The following NPC2 variants were observed in gnomAD, a reference collection of about 807,000 sequenced individuals.
NPC2 encodes the protein Niemann-Pick disease type C2 protein.
A neutral mutation model predicts 17.0 loss-of-function variants in NPC2; 14 were observed. That is an observed-to-expected ratio of 0.82 (90% CI 0.54 to 1.29). The LOEUF is 1.29. Among genes scored for constraint, NPC2 ranks in the 50% most tolerant of loss-of-function variants. The pLI is 0.00. For missense variants in NPC2, 167 were observed against 183.4 expected (o/e 0.91, Z 0.52); for synonymous variants, 75 against 69.3 (o/e 1.08, Z -0.41).
chr14:74,482,996 G>T (rs371035338), intron 3 of NPC2: 2 of 801,510 alleles, frequency 2.5e-6, no homozygotes. Context: ...GTGGTCCTTG[G>T]TTCAGGAGGT....
chr14:74,493,127 C>A lies in NPC2; in HGVS notation c.82+66G>T. 6.5e-7 allele frequency: 1 copy of A among 1,548,766 alleles called. No individual in the cohort carries two copies. The highest frequency in any genetic ancestry group is 8.7e-7 in the Non-Finnish European group (1 of 1,144,214). On this transcript the variant is annotated intron_variant, in intron 1 of 4. Coordinates refer to ENST00000555619, the MANE Select transcript of NPC2 (RefSeq NM_006432.5). This position sits in a 1 kb window ranked among gnomAD's most constrained non-coding sequence, Gnocchi z 4.1. Reference sequence around the variant, plus strand: ...CCGCCCAGCCCAGCCCCAGGGGTCTCAGCGCGGGGGTCCGGCGGGGCCTTC... The same window carrying A: ...CCGCCCAGCCCAGCCCCAGGGGTCTAAGCGCGGGGGTCCGGCGGGGCCTTC...
Position 74,493,266 on chromosome 14 carries a change from G to A in NPC2, c.9C>T (p.Phe3=), listed in dbSNP as rs1300524708. The change falls in exon 1 of 5, where the codon TTC becomes TTT. Residue 3 remains phenylalanine, a synonymous_variant. Transcript: ENST00000555619. The surrounding 1 kb of genome is among the most constrained non-coding windows in gnomAD (Gnocchi z 4.1). The part of the protein sequence containing the change: MR[F]LAATFLLLAL... ...CCAGGAGCAGGAATGTAGCTGCCAG[G>A]AAACGCATCGCGGATAACGAAGTTC... The A allele has an allele frequency of 6.2e-7, 1 of 1,613,232 alleles. No homozygotes were observed. Among genetic ancestry groups the A allele is most frequent in the Non-Finnish European group, 8.5e-7 (1 of 1,179,692 alleles).
intron 1 of NPC2, among the ~76,000 whole-genome samples, chr14:74,488,845 T>A (rs1010698455): frequency 5.9e-5 from 9 of 152,146 alleles, no homozygotes; most frequent in Non-Finnish European, 1.3e-4. Context: ...AAAAACCACC[T>A]ACCATCTCTG....
chr14:74,486,302 TTTGAG>T, intron 2 of NPC2, 22 bp downstream of exon 2: 1 of 1,540,146 alleles, frequency 6.5e-7, no homozygotes, highest in Non-Finnish European at 8.8e-7. Flanking sequence ...GTAACATGAA[TTTGAG>T]TTAAGAGCCA....
At chr14:74,490,463 A>G (rs1331710529) in intron 1 of NPC2, among the ~76,000 whole-genome samples, 2 of 152,256 alleles carry the variant, frequency 1.3e-5, no homozygotes, top group African/African-American at 4.8e-5. Context: ...TGAATAGGGA[A>G]AAAAGAAATC....
chr14:74,479,941 G>A lies in NPC2; in HGVS notation c.*333C>T. 1 of 1,260,480 alleles carries A rather than the reference G, an allele frequency of 7.9e-7. No homozygotes were observed. The highest frequency in any genetic ancestry group is 1.0e-6 in the Non-Finnish European group (1 of 988,900). 78.1% of individuals were successfully genotyped at this position (1,260,480 alleles called of 1,614,324 possible). A position where few individuals can be genotyped will look rare whatever the true frequency, so the allele number is the denominator to read the frequency against. ...AGCAGGAGAAGACCACAGCCCACAT[G>A]CAGAAGACAAGACAAACGAGTTTTT... On this transcript the variant is annotated 3_prime_UTR_variant, in exon 5 of 5. Transcript: ENST00000555619.
At chr14:74,485,294 C>CA (rs61395005) in intron 2 of NPC2, among the ~76,000 whole-genome samples, 958 of 71,304 alleles carry the variant, frequency 0.013, 159 homozygotes, top group African/African-American at 0.054. Flanking sequence ...GACTCTGTCA[C>CA]AAAAAAAAAA....
At chr14:74,480,873 A>G (rs2086649341) in intron 3 of NPC2, 94 bp from the exon 4 acceptor site, 4 of 1,033,256 alleles carry the variant, frequency 3.9e-6, no homozygotes, top group Non-Finnish European at 6.1e-6. Context: ...GTACAGTAGC[A>G]AACTTCCTAA....
At chr14:74,483,960 A>C (rs2086681683) in intron 3 of NPC2, among the ~76,000 whole-genome samples, 1 of 152,198 alleles carries the variant, frequency 6.6e-6, no homozygotes, top group Non-Finnish European at 1.5e-5. Flanking sequence ...AAAATTATGG[A>C]ATATCCTCTG....
rs2086639341 is a variant in NPC2 at position 74,480,118 on chromosome 14, C to T, written c.*156G>A. On this transcript the variant is annotated 3_prime_UTR_variant, in exon 5 of 5. Transcript: ENST00000555619. ...TGAGACAACCACTGAGAACCAGCCA[C>T]CCGGAGCTCAGTTTCTGCTACAGAG... is the stretch of plus-strand genomic sequence containing the variant. 8 of 1,560,326 alleles carry T rather than the reference C, an allele frequency of 5.1e-6. No homozygotes were observed. The highest frequency in any genetic ancestry group is 6.9e-6 in the Non-Finnish European group (8 of 1,156,460).
rs2086673395 is a variant in NPC2 at position 74,483,196 on chromosome 14, G to A, written c.363+1219C>T. On this transcript the variant is annotated intron_variant, in intron 3 of 4. Transcript: ENST00000555619. ...GGATTTGTATATGAAGAATGGCCAA[G>A]GTTTTGCACTAGTATATTCAGTCCA... 5 of 854,414 alleles carry A rather than the reference G, an allele frequency of 5.9e-6. No individual in the cohort carries two copies. The East Asian group carries it at 7.3e-5, about 12-fold the overall frequency. 52.9% of individuals were successfully genotyped at this position (854,414 alleles called of 1,614,324 possible).
At position 74,493,248 on chromosome 14, in the gene NPC2, C is replaced by T. The variant is rs1362951124; in HGVS notation, c.27G>A (p.Leu9=). Residue 9 remains leucine (L), a synonymous_variant, in exon 1 of 5, where the codon CTG becomes CTA. Coordinates refer to ENST00000555619, the MANE Select transcript of NPC2 (RefSeq NM_006432.5). This position sits in a 1 kb window ranked among gnomAD's most constrained non-coding sequence, Gnocchi z 4.1. ...GGGCAGCGGTGCTGAGCGCCAGGAG[C>T]AGGAATGTAGCTGCCAGGAAACGCA... MRFLAATF[L]LLALSTAAQA... is the part of the protein sequence containing the mutation. The T allele has an allele frequency of 1.2e-6, 2 of 1,613,336 alleles. No homozygotes were observed. Among genetic ancestry groups the T allele is most frequent in the Non-Finnish European group, 1.7e-6 (2 of 1,179,738 alleles).
At chr14:74,487,628 G>A (rs1435136274) in intron 1 of NPC2, among the ~76,000 whole-genome samples, 1 of 152,158 alleles carries the variant, frequency 6.6e-6, no homozygotes, top group East Asian at 1.9e-4. Context: ...ACTCCGCGGA[G>A]GAAGATCAGA....
chr14:74,482,425 G>A (rs1214632172), intron 3 of NPC2, among the ~76,000 whole-genome samples: 3 of 152,166 alleles, frequency 2.0e-5, no homozygotes, highest in Admixed American at 6.5e-5. Context: ...TCTACCTTAT[G>A]AGTGCTTGGT....
chr14:74,483,370 G>T (rs1232572170), intron 3 of NPC2: 1 of 1,416,654 alleles, frequency 7.1e-7, no homozygotes, highest in Non-Finnish European at 9.9e-7. Flanking sequence ...GACAGTGATG[G>T]AACTGTGCCA....
At chr14:74,480,432 G>GAA in intron 4 of NPC2, 144 bp from the exon 5 acceptor site, 1 of 811,914 alleles carries the variant, frequency 1.2e-6, no homozygotes, top group Non-Finnish European at 2.2e-6. Flanking sequence ...TACTCCGACA[G>GAA]AAAAAAACCA....
At chr14:74,492,491 A>C (rs533656723) in intron 1 of NPC2, among the ~76,000 whole-genome samples, 132 of 152,282 alleles carry the variant, frequency 8.7e-4, no homozygotes, top group Admixed American at 1.3e-4. Flanking sequence ...TGACAGTTCT[A>C]TCTCTCTATC....
intron 2 of NPC2, among the ~76,000 whole-genome samples, 168 bp from the exon 3 acceptor site, chr14:74,484,755 C>CAAAAAAA (rs71115996): frequency 3.9e-4 from 33 of 85,144 alleles, no homozygotes; most frequent in Middle Eastern, 8.2e-3. Flanking sequence ...CACAATTATG[C>CAAAAAAA]AAAAAAAAAA....
intron 1 of NPC2, among the ~76,000 whole-genome samples, chr14:74,492,471 CCT>C (rs1383396853): frequency 6.6e-6 from 1 of 152,222 alleles, no homozygotes; most frequent in African/African-American, 2.4e-5. Context: ...CAGTTTCATG[CCT>C]CTTTCATTGA....
Sources: gnomAD v4.1 joint callset for allele counts (sites outside exome capture counted in the v4.1 genomes callset) on GRCh38, gnomAD v4.1.1 for gene constraint, Gnocchi (gnomAD v3.1) non-coding constraint, MANE v1.5 for transcripts, NCBI Gene and HGNC (gene_info 2026-07-23, HGNC 2026-07-21) for gene names.